MYRIP: variants seen among roughly 807,000 people sequenced by gnomAD.
MYRIP encodes the protein rab effector MyRIP.
Under a neutral mutation model 98.0 loss-of-function variants are expected in MYRIP, and 49 were observed. The observed-to-expected ratio is 0.50, with a 90% confidence interval of 0.40 to 0.63. The LOEUF is 0.63. Among genes scored for constraint, MYRIP ranks in the 30% least tolerant of loss-of-function variants. The probability of loss-of-function intolerance (pLI) is 0.00; values close to 1 mark genes in which losing one functional copy is unlikely to be tolerated. For synonymous variants in MYRIP, 404 were observed against 409.5 expected, an observed-to-expected ratio of 0.99 and a Z score of 0.16; for missense variants, 1,004 against 1,058.2, an observed-to-expected ratio of 0.95 and a Z score of 0.71.
intron 2 of MYRIP, among the ~76,000 whole-genome samples, chr3:39,946,949 A>C (rs1258658316): frequency 2.6e-5 from 4 of 152,210 alleles, no homozygotes; most frequent in African/African-American, 9.6e-5. Context: ...AATGCCAAAA[A>C]AAGTTGGAAT....
chr3:40,182,157 A>C (rs1950897421), intron 8 of MYRIP, 63 bp from the exon 9 acceptor site: 2 of 1,466,994 alleles, frequency 1.4e-6, no homozygotes, highest in East Asian at 4.9e-5. Flanking sequence ...CCAAAAGGTG[A>C]AGGCACACCT....
intron 2 of MYRIP, among the ~76,000 whole-genome samples, chr3:40,034,994 G>A (rs1182304884): frequency 6.8e-6 from 1 of 146,432 alleles, no homozygotes. Context: ...AACACCGCAT[G>A]TTCTCACTCA....
At chr3:40,025,261 G>A (rs899367615) in intron 2 of MYRIP, among the ~76,000 whole-genome samples, 22 of 152,052 alleles carry the variant, frequency 1.4e-4, no homozygotes, top group Non-Finnish European at 2.8e-4. Flanking sequence ...ACCACAAAGC[G>A]TATTGTTGTG....
chr3:40,051,985 T>C (rs915778280), intron 3 of MYRIP, among the ~76,000 whole-genome samples: 2 of 152,190 alleles, frequency 1.3e-5, no homozygotes, highest in African/African-American at 4.8e-5. Context: ...CAAATCAGGG[T>C]AACTGGAATA....
chr3:40,236,523 G>T (rs1415075480), intron 12 of MYRIP, among the ~76,000 whole-genome samples: 1 of 152,158 alleles, frequency 6.6e-6, no homozygotes. Context: ...AGGTATATTT[G>T]CTAGTAATGG....
chr3:40,189,524 G>A (rs1370317703), intron 9 of MYRIP, among the ~76,000 whole-genome samples: 1 of 152,202 alleles, frequency 6.6e-6, no homozygotes, highest in African/African-American at 2.4e-5. Flanking sequence ...GCAAGCCTAG[G>A]GCAGGAGTGG....
chr3:40,088,315 G>A (rs1297064146), intron 3 of MYRIP, among the ~76,000 whole-genome samples: 2 of 152,156 alleles, frequency 1.3e-5, no homozygotes, highest in Non-Finnish European at 2.9e-5. Context: ...AGTCAGAACT[G>A]GCTCAGAACC....
At chr3:39,925,212 A>C (rs1427506339) in intron 2 of MYRIP, among the ~76,000 whole-genome samples, 1 of 151,040 alleles carries the variant, frequency 6.6e-6, no homozygotes, top group Non-Finnish European at 1.5e-5. Context: ...AAGACTCACA[A>C]GGGAAAAAAA....
At chr3:39,971,643 T>C (rs548816688) in intron 2 of MYRIP, among the ~76,000 whole-genome samples, 1 of 152,148 alleles carries the variant, frequency 6.6e-6, no homozygotes, top group African/African-American at 2.4e-5. Context: ...AAGCTGACCA[T>C]GTGCTAATTG....
chr3:39,975,963 C>A (rs969806556), intron 2 of MYRIP, among the ~76,000 whole-genome samples: 1 of 152,166 alleles, frequency 6.6e-6, no homozygotes, highest in African/African-American at 2.4e-5. Context: ...AAAACCTAGA[C>A]AATACCATTC....
rs1184362563 is a variant in MYRIP at position 40,244,432 on chromosome 3, C to T, written c.2101-14C>T. 6.2e-7 allele frequency: 1 copy of T among 1,600,384 alleles called. No homozygotes were observed. The highest frequency in any genetic ancestry group is 8.5e-7 in the Non-Finnish European group (1 of 1,172,926). ...TCTGCAGACATGAACTCAAATGTAGCACTGTCTCTACAGGTATACCTGGCA... is the reference window on the plus strand; with the variant it reads ...TCTGCAGACATGAACTCAAATGTAGTACTGTCTCTACAGGTATACCTGGCA... On this transcript the variant is annotated splice_polypyrimidine_tract_variant and intron_variant, in intron 12 of 16. Transcript: ENST00000302541.
At chr3:39,831,419 G>A (rs1417450671) in intron 1 of MYRIP, among the ~76,000 whole-genome samples, 1 of 152,078 alleles carries the variant, frequency 6.6e-6, no homozygotes, top group Non-Finnish European at 1.5e-5. Flanking sequence ...TGTTCCGTTA[G>A]CATTTTTTGC....
At chr3:40,136,001 T>A (rs1186569858) in intron 3 of MYRIP, among the ~76,000 whole-genome samples, 1 of 152,104 alleles carries the variant, frequency 6.6e-6, no homozygotes, top group East Asian at 1.9e-4. Context: ...CAAGCTAACA[T>A]CATAATGACA....
intron 11 of MYRIP, among the ~76,000 whole-genome samples, chr3:40,229,600 TGA>T (rs1952591202): frequency 6.6e-6 from 1 of 152,234 alleles, no homozygotes; most frequent in African/African-American, 2.4e-5. Context: ...CATCTCAGGC[TGA>T]GAGGAGTCAG....
intron 10 of MYRIP, among the ~76,000 whole-genome samples, chr3:40,197,532 A>G (rs1951429903): frequency 1.3e-5 from 2 of 152,324 alleles, no homozygotes; most frequent in Admixed American, 6.5e-5. Flanking sequence ...ATGCAAGTGT[A>G]ATTCTGTAAG....
intron 2 of MYRIP, among the ~76,000 whole-genome samples, chr3:39,991,531 C>T (rs1343400017): frequency 6.6e-6 from 1 of 152,194 alleles, no homozygotes; most frequent in Non-Finnish European, 1.5e-5. Flanking sequence ...TTACTACCTT[C>T]CTACGACTTT....
At chr3:40,112,975 C>T (rs1244365710) in intron 3 of MYRIP, among the ~76,000 whole-genome samples, 2 of 152,172 alleles carry the variant, frequency 1.3e-5, no homozygotes, top group African/African-American at 4.8e-5. Context: ...GAAATCCAGG[C>T]TGCTATGAAT....
At chr3:40,228,921 G>A (rs570652261) in intron 11 of MYRIP, among the ~76,000 whole-genome samples, 38 of 152,230 alleles carry the variant, frequency 2.5e-4, no homozygotes, top group African/African-American at 4.1e-4. Flanking sequence ...CCAGACATCC[G>A]ATTATTAGAG....
intron 1 of MYRIP, among the ~76,000 whole-genome samples, chr3:39,848,837 A>G (rs1942046544): frequency 6.6e-6 from 1 of 152,202 alleles, no homozygotes; most frequent in Admixed American, 6.5e-5. Flanking sequence ...CTAAATTTTT[A>G]TGCCACGAGA....
Sources: allele counts gnomAD v4.1 joint callset (sites outside exome capture counted in the v4.1 genomes callset), GRCh38; gene constraint gnomAD v4.1.1; transcripts MANE v1.5; gene names NCBI Gene and HGNC (gene_info 2026-07-23, HGNC 2026-07-21).